Variants in TRAPPC10 observed in about 807,000 individuals in gnomAD.
TRAPPC10 encodes trafficking protein particle complex subunit 10, also known as TRAPP 130 kDa subunit.
A neutral mutation model predicts 125.5 loss-of-function variants in TRAPPC10; 23 were observed. The ratio of observed to expected loss-of-function variants is 0.18; its 90% CI spans 0.13 to 0.26. The LOEUF is 0.26. Among genes scored for constraint, TRAPPC10 ranks in the 10% least tolerant of loss-of-function variants. The probability of loss-of-function intolerance (pLI) is 1.00; values close to 1 mark genes in which losing one functional copy is unlikely to be tolerated. For synonymous variants in TRAPPC10, 509 were observed against 518.0 expected, an observed-to-expected ratio of 0.98 and a Z score of 0.24; for missense variants, 1,123 against 1,308.4, an observed-to-expected ratio of 0.86 and a Z score of 2.19.
At chr21:44,023,571 A>G (rs940172972) in intron 1 of TRAPPC10, among the ~76,000 whole-genome samples, 1 of 152,016 alleles carries the variant, frequency 6.6e-6, no homozygotes, top group East Asian at 1.9e-4. Context: ...ATTCTTTCCT[A>G]TCTAGCCTGA....
At chr21:44,058,178 C>T (rs546594621) in intron 5 of TRAPPC10, among the ~76,000 whole-genome samples, 3 of 152,164 alleles carry the variant, frequency 2.0e-5, no homozygotes, top group South Asian at 2.1e-4. Context: ...GGGTGCTGTG[C>T]GGGTCAGGAG....
chr21:44,052,977 C>A (rs1307459547), intron 4 of TRAPPC10, among the ~76,000 whole-genome samples: 1 of 152,034 alleles, frequency 6.6e-6, no homozygotes, highest in Non-Finnish European at 1.5e-5. Flanking sequence ...GCTCTCTCTC[C>A]TGGGGTAGCT....
chr21:44,060,911 T>TACACACACACACACACACAC (rs1230320455), intron 6 of TRAPPC10, among the ~76,000 whole-genome samples: 1 of 106,462 alleles, frequency 9.4e-6, no homozygotes, highest in African/African-American at 5.3e-5. Flanking sequence ...TATACATACA[T>TACACACACACACACACACAC]ACATACACAC....
intron 1 of TRAPPC10, among the ~76,000 whole-genome samples, chr21:44,020,125 C>CTT (rs113935496): frequency 5.7e-5 from 8 of 139,636 alleles, no homozygotes; most frequent in Admixed American, 7.2e-5. Flanking sequence ...CTTTTCTTTT[C>CTT]TTTTTTTTTT....
chr21:44,095,297 G>A (rs373624460), intron 20 of TRAPPC10, among the ~76,000 whole-genome samples: 8 of 152,002 alleles, frequency 5.3e-5, no homozygotes, highest in African/African-American at 1.7e-4. Context: ...CCAGGCTGGA[G>A]TGCAATGGCA....
chr21:44,017,803 G>A (rs578105313), intron 1 of TRAPPC10, among the ~76,000 whole-genome samples: 22 of 151,734 alleles, frequency 1.4e-4, no homozygotes, highest in East Asian at 3.9e-4. Context: ...CCTGTTTTGC[G>A]ACGATAATGA....
In TRAPPC10 at chr21:44,063,144, G is replaced by C. The variant is rs922766853; in HGVS notation, c.791-394G>C. 7.7e-7 allele frequency: 1 copy of C among 1,306,786 alleles called. No individual in the cohort carries two copies. The highest frequency in any genetic ancestry group is 1.5e-5 in the African/African-American group (1 of 65,940). The allele number at this position is 1,306,786 out of a possible 1,614,324, so 80.9% of individuals were successfully genotyped here. A position where few individuals can be genotyped will look rare whatever the true frequency, so the allele number is the denominator to read the frequency against. ...AGACCAAAAAACACCAGGATGGTCA[G>C]AGCAGGCTGCACTCCAGCCCACAGG... On this transcript the variant is annotated intron_variant, in intron 6 of 22. Coordinates refer to ENST00000291574, the MANE Select transcript of TRAPPC10 (RefSeq NM_003274.5). This position sits in a 1 kb window ranked among gnomAD's most constrained non-coding sequence, Gnocchi z 4.4.
intron 2 of TRAPPC10, among the ~76,000 whole-genome samples, chr21:44,032,548 A>C (rs539611686): frequency 6.6e-6 from 1 of 152,004 alleles, no homozygotes; most frequent in East Asian, 1.9e-4. Flanking sequence ...GCACCCGGCT[A>C]ATTTTTGTAG....
chr21:44,087,125 C>A lies in TRAPPC10; in HGVS notation c.2539+165C>A, dbSNP rs1226395776. ...TGCGGCCTGATGCCTGTGCTGGGGT[C>A]CCATCTGAGGTGATAAACTGAGAGT... is the stretch of plus-strand genomic sequence containing the variant. On this transcript the variant is annotated intron_variant, in intron 16 of 22. Coordinates refer to ENST00000291574, the MANE Select transcript of TRAPPC10 (RefSeq NM_003274.5). The surrounding 1 kb of genome is among the most constrained non-coding windows in gnomAD (Gnocchi z 4.6). Among the ~76,000 whole-genome samples, 1 of 152,188 alleles carries A rather than the reference C, an allele frequency of 6.6e-6. No homozygotes were observed. Among genetic ancestry groups the A allele is most frequent in the Non-Finnish European group, 1.5e-5 (1 of 68,034 alleles).
chr21:44,031,021 GCAGT>G (rs2033536585), intron 1 of TRAPPC10, among the ~76,000 whole-genome samples: 1 of 152,128 alleles, frequency 6.6e-6, no homozygotes, highest in Non-Finnish European at 1.5e-5. Context: ...CTCCCCAGGT[GCAGT>G]CAGCTGGTCA....
chr21:44,016,147 ATATTT>A lies in TRAPPC10; in HGVS notation c.67+3592_67+3596del, dbSNP rs2031815531. ...TCATAGCAATAGGAAAACTTGTAGT[ATATTT>A]TATTAATCATGAAAAATGCCTGGCG... On this transcript the variant is annotated intron_variant, in intron 1 of 22. Transcript: ENST00000291574. Among the ~76,000 whole-genome samples the A allele has an allele frequency of 2.0e-5, 3 of 152,358 alleles. No homozygotes were observed. In the South Asian group the frequency reaches 6.2e-4, roughly 32 times the overall value.
intron 14 of TRAPPC10, 30 bp from the exon 15 acceptor site, chr21:44,084,092 G>A (rs767146036): frequency 6.2e-7 from 1 of 1,612,732 alleles, no homozygotes; most frequent in South Asian, 1.1e-5. Flanking sequence ...TGGGTGACGT[G>A]GTTTCAAATG....
Position 44,091,854 on chromosome 21 carries a change from A to T in TRAPPC10, c.2871-69A>T, listed in dbSNP as rs978750926. On this transcript the variant is annotated intron_variant, in intron 18 of 22. Transcript: ENST00000291574. ...TTCCCCAGGCAGAGAGGGTCTCCTTAACAAAGCTAAGATATATTTAATAAA... is the reference window on the plus strand; with the variant it reads ...TTCCCCAGGCAGAGAGGGTCTCCTTTACAAAGCTAAGATATATTTAATAAA... The T allele has an allele frequency of 2.0e-6, 3 of 1,490,258 alleles. No homozygotes were observed. In the African/African-American group the frequency reaches 4.2e-5, roughly 21 times the overall value. The allele number at this position is 1,490,258 out of a possible 1,614,324, so 92.3% of individuals were successfully genotyped here.
chr21:44,063,282 C>T lies in TRAPPC10; in HGVS notation c.791-256C>T, dbSNP rs1455048337. Reference sequence around the variant, plus strand: ...AGCCTGTCTGTCTCTGGGTGACTTCCCAACCTGTTCAGCTCCCGCCCATGA... The same window carrying T: ...AGCCTGTCTGTCTCTGGGTGACTTCTCAACCTGTTCAGCTCCCGCCCATGA... On this transcript the variant is annotated intron_variant, in intron 6 of 22. Transcript: ENST00000291574. The surrounding 1 kb of genome is among the most constrained non-coding windows in gnomAD (Gnocchi z 4.4). The T allele has an allele frequency of 8.2e-7, 1 of 1,218,256 alleles. No homozygotes were observed. Among genetic ancestry groups the T allele is most frequent in the Non-Finnish European group, 1.1e-6 (1 of 935,474 alleles). The allele number at this position is 1,218,256 out of a possible 1,614,324, so 75.5% of individuals were successfully genotyped here.
At chr21:44,088,260 CTGTGTCGTG>C (rs2038287914) in intron 17 of TRAPPC10, 1 of 322,406 alleles carries the variant, frequency 3.1e-6, no homozygotes, top group Admixed American at 4.5e-5. Flanking sequence ...CAGAGGAGGT[CTGTGTCGTG>C]TGTGCCTCGG....
At chr21:44,094,559 T>TG (rs1349531072) in intron 20 of TRAPPC10, among the ~76,000 whole-genome samples, 1 of 152,234 alleles carries the variant, frequency 6.6e-6, no homozygotes, top group African/African-American at 2.4e-5. Flanking sequence ...AAATATTTCT[T>TG]GGAGTCATTT....
intron 18 of TRAPPC10, chr21:44,091,636 C>T (rs1345234284): frequency 1.1e-5 from 3 of 269,288 alleles, no homozygotes; most frequent in Non-Finnish European, 2.2e-5. Context: ...GATGGGGTTT[C>T]ACCATGTTGG....
In TRAPPC10 at chr21:44,055,952, C is replaced by G; in HGVS notation, c.678+59C>G. ...TCTCTCCTTCCCTCCTTTGTTCCCT[C>G]CCTCTCTCCTCCTTTCTTTCTAAGT... On this transcript the variant is annotated intron_variant, in intron 5 of 22. Coordinates refer to ENST00000291574, the MANE Select transcript of TRAPPC10 (RefSeq NM_003274.5). 2.1e-6 allele frequency: 3 copies of G among 1,397,188 alleles called. No individual in the cohort carries two copies. The South Asian group carries it at 4.7e-5, about 22-fold the overall frequency. 86.5% of individuals were successfully genotyped at this position (1,397,188 alleles called of 1,614,324 possible). A position where few individuals can be genotyped will look rare whatever the true frequency, so the allele number is the denominator to read the frequency against.
chr21:44,032,211 A>G, intron 2 of TRAPPC10, 39 bp downstream of exon 2: 7 of 1,507,302 alleles, frequency 4.6e-6, no homozygotes, highest in Non-Finnish European at 6.4e-6. Flanking sequence ...CCCTCTCTTC[A>G]TTTTTTAAAA....
Sources: gnomAD v4.1 joint callset for allele counts (sites outside exome capture counted in the v4.1 genomes callset) on GRCh38, gnomAD v4.1.1 for gene constraint, Gnocchi (gnomAD v3.1) non-coding constraint, MANE v1.5 for transcripts, NCBI Gene and HGNC (gene_info 2026-07-23, HGNC 2026-07-21) for gene names.